The following HPS5 variants were observed in gnomAD, a reference collection of about 807,000 sequenced individuals.
The protein encoded by HPS5 is HPS5 biogenesis of lysosomal organelles complex 2 subunit 2, also known as BLOC-2 complex member HPS5.
A neutral mutation model predicts 128.0 loss-of-function variants in HPS5; 83 were observed. The ratio of observed to expected loss-of-function variants is 0.65; its 90% CI spans 0.54 to 0.78. HPS5 has a LOEUF of 0.78. Ranked by LOEUF, HPS5 falls within the 30% of genes least tolerant of loss-of-function variation. The pLI is 0.00. For missense variants in HPS5, 1,281 were observed against 1,326.2 expected, an observed-to-expected ratio of 0.97 and a Z score of 0.53; for synonymous variants, 475 against 470.2, an observed-to-expected ratio of 1.01 and a Z score of -0.13.
Position 18,297,000 on chromosome 11 carries a change from ATT to A in HPS5, c.1324-18_1324-17del. On this transcript the variant is annotated splice_polypyrimidine_tract_variant and intron_variant, in intron 11 of 22. Coordinates refer to ENST00000349215, the MANE Select transcript of HPS5 (RefSeq NM_181507.2). ...TGAAACTTTCCTAAAAATTAAAAGA[ATT>A]CAAAAAAAAAAAAAGGTAAAAATTT... is the stretch of plus-strand genomic sequence containing the variant. The A allele has an allele frequency of 1.3e-6, 2 of 1,494,356 alleles. No individual in the cohort carries two copies. The highest frequency in any genetic ancestry group is 1.8e-6 in the Non-Finnish European group (2 of 1,083,178). The allele number at this position is 1,494,356 out of a possible 1,614,324, so 92.6% of individuals were successfully genotyped here. A position where few individuals can be genotyped will look rare whatever the true frequency, so the allele number is the denominator to read the frequency against.
chr11:18,316,112 T>C (rs1863592714), intron 2 of HPS5, among the ~76,000 whole-genome samples: 1 of 151,988 alleles, frequency 6.6e-6, no homozygotes, highest in African/African-American at 2.4e-5. Context: ...CTGGGCAACA[T>C]AGCAAGACCC....
intron 18 of HPS5, 117 bp downstream of exon 18, chr11:18,287,418 T>C (rs1035670733): frequency 1.4e-5 from 16 of 1,121,510 alleles, no homozygotes; most frequent in Non-Finnish European, 1.8e-5. Context: ...TCCTCTTCCA[T>C]AGTATGTGCC....
intron 2 of HPS5, among the ~76,000 whole-genome samples, chr11:18,312,934 AT>A (rs1863176645): frequency 1.3e-5 from 2 of 152,196 alleles, no homozygotes; most frequent in South Asian, 4.1e-4. Flanking sequence ...TCCTATTAAT[AT>A]GTTACACCAT....
In HPS5 at chr11:18,311,514, T is replaced by TA. The variant is rs2133859854; in HGVS notation, c.220-64_220-63insT. 1.9e-6 allele frequency: 1 copy of TA among 534,562 alleles called. No homozygotes were observed. The highest frequency in any genetic ancestry group is 2.7e-6 in the Non-Finnish European group (1 of 365,754). 33.1% of individuals were successfully genotyped at this position (534,562 alleles called of 1,614,324 possible). On this transcript the variant is annotated intron_variant, in intron 3 of 22. Transcript: ENST00000349215. ...GTTTTACATTATTATTATTATTATTTTTTTTTTTTTTTTTGAGACTGAGTC... is the reference window on the plus strand; with the variant it reads ...GTTTTACATTATTATTATTATTATTTATTTTTTTTTTTTTTGAGACTGAGTC...
chr11:18,287,468 G>T (rs979451603), intron 18 of HPS5, 67 bp downstream of exon 18: 4 of 1,541,532 alleles, frequency 2.6e-6, no homozygotes, highest in African/African-American at 1.4e-5. Flanking sequence ...TGTGACACCT[G>T]CTTATAAAAG....
chr11:18,312,810 CA>C (rs1343417694), intron 2 of HPS5, among the ~76,000 whole-genome samples: 1 of 152,204 alleles, frequency 6.6e-6, no homozygotes, highest in Non-Finnish European at 1.5e-5. Flanking sequence ...TAAAAGCTAA[CA>C]TATGTGCAAT....
chr11:18,290,655 C>T (rs541938751), intron 16 of HPS5, among the ~76,000 whole-genome samples: 113 of 152,100 alleles, frequency 7.4e-4, no homozygotes, highest in African/African-American at 2.6e-3. Context: ...GGCATGGTGG[C>T]TCACACCTAT....
At position 18,286,547 on chromosome 11, in the gene HPS5, A is replaced by C. The variant is rs60183714; in HGVS notation, c.2837+44T>G. 3.5e-3 allele frequency: 5,677 copies of C among 1,601,844 alleles called. 190 individuals carry two copies. The African/African-American group carries it at 0.068, about 19-fold the overall frequency. On this transcript the variant is annotated intron_variant, in intron 19 of 22. Transcript: ENST00000349215. ...ACAGAGTGAGATCCTGTCTCAAAAA[A>C]AAAAAGTAAAGAAAAAAACAAAGAA...
In HPS5 at chr11:18,285,386, T is replaced by C; in HGVS notation, c.2911A>G (p.Ile971Val). 1.9e-6 allele frequency: 3 copies of C among 1,613,540 alleles called. No individual in the cohort carries two copies. The highest frequency in any genetic ancestry group is 2.2e-5 in the South Asian group (2 of 91,070). Residue 971 changes from isoleucine (I) to valine (V), a missense_variant, in exon 20 of 23, where the codon ATA becomes GTA. Ile to Val is a conservative substitution (Grantham distance 29). Transcript: ENST00000349215. ...ATGTCTGTCATTTTCTCTTTGGTTA[T>C]AAAATCTGCAGGAAGTTTAATTAGA... Reference protein sequence around the residue: ...LHLIKLPADFITKEKMTDICR... With the variant: ...LHLIKLPADFVTKEKMTDICR...
chr11:18,318,968 C>T (rs1223744037), intron 1 of HPS5, among the ~76,000 whole-genome samples: 1 of 151,548 alleles, frequency 6.6e-6, no homozygotes, highest in Non-Finnish European at 1.5e-5. Context: ...TTATTGCACA[C>T]ACATAACACA....
chr11:18,298,807 A>T lies in HPS5; in HGVS notation c.1149T>A (p.Ser383=). 1 of 1,614,202 alleles carries T rather than the reference A, an allele frequency of 6.2e-7. No homozygotes were observed. The highest frequency in any genetic ancestry group is 1.1e-5 in the South Asian group (1 of 91,088). The part of the protein sequence containing the change: ...AARTCCLFQN[S]VIASRARKTL... Reference sequence around the variant, plus strand: ...TCTGACTCACTCTGCTGGCAATGACAGAATTTTGGAAAAGACAGCATGTAC... The same window carrying T: ...TCTGACTCACTCTGCTGGCAATGACTGAATTTTGGAAAAGACAGCATGTAC... The change falls in exon 10 of 23, where the codon TCT becomes TCA. Residue 383 remains serine, a synonymous_variant. Transcript: ENST00000349215.
chr11:18,294,186 G>A (rs1381247045), intron 14 of HPS5, among the ~76,000 whole-genome samples: 1 of 152,146 alleles, frequency 6.6e-6, no homozygotes, highest in Non-Finnish European at 1.5e-5. Flanking sequence ...GCATATTATG[G>A]GAAGGTACCT....
chr11:18,280,684 T>C (rs1314111048), intron 22 of HPS5: 5 of 639,670 alleles, frequency 7.8e-6, no homozygotes, highest in Non-Finnish European at 1.4e-5. Flanking sequence ...GGCATATATA[T>C]ACAACGGAAT....
In HPS5 at chr11:18,285,525, C is replaced by T. The variant is rs1297863877; in HGVS notation, c.2838-66G>A. The stretch of plus-strand genomic sequence containing the variant: ...AACTCTAGAAAATGCTTATTTATCA[C>T]CTAATAGGTAAGAATAGAGTTTAAC... On this transcript the variant is annotated intron_variant, in intron 19 of 22. Transcript: ENST00000349215. 2.8e-6 allele frequency: 3 copies of T among 1,059,380 alleles called. No individual in the cohort carries two copies. In the Admixed American group the frequency reaches 5.3e-5, roughly 19 times the overall value. 65.6% of individuals were successfully genotyped at this position (1,059,380 alleles called of 1,614,324 possible). A position where few individuals can be genotyped will look rare whatever the true frequency, so the allele number is the denominator to read the frequency against.
intron 16 of HPS5, 119 bp downstream of exon 16, chr11:18,291,322 AG>A: frequency 4.8e-6 from 3 of 630,726 alleles, no homozygotes; most frequent in Admixed American, 2.8e-5. Flanking sequence ...AACAGAATAA[AG>A]GGTTGACCAG....
chr11:18,300,555 G>T (rs1355827366), intron 9 of HPS5, among the ~76,000 whole-genome samples: 3 of 151,996 alleles, frequency 2.0e-5, no homozygotes, highest in African/African-American at 4.8e-5. Flanking sequence ...AAATTAGCCA[G>T]GTGTGGTGGT....
intron 16 of HPS5, among the ~76,000 whole-genome samples, chr11:18,288,678 C>T (rs1860028467): frequency 6.6e-6 from 1 of 151,836 alleles, no homozygotes; most frequent in Non-Finnish European, 1.5e-5. Flanking sequence ...AACAGGGTCT[C>T]ATTCTGTTGC....
At chr11:18,287,737 A>G (rs1378244743) in intron 17 of HPS5, 47 bp from the exon 18 acceptor site, 1 of 1,608,360 alleles carries the variant, frequency 6.2e-7, no homozygotes, top group Admixed American at 1.7e-5. Flanking sequence ...CAGTGAAATT[A>G]TATAACTTGG....
At chr11:18,317,697 A>G in intron 2 of HPS5, 54 bp downstream of exon 2, 1 of 1,560,244 alleles carries the variant, frequency 6.4e-7, no homozygotes. Context: ...GGGTAGGGGC[A>G]CAGTAACAGA....
Sources: allele counts gnomAD v4.1 joint callset (sites outside exome capture counted in the v4.1 genomes callset), GRCh38; gene constraint gnomAD v4.1.1; transcripts MANE v1.5; gene names NCBI Gene and HGNC (gene_info 2026-07-23, HGNC 2026-07-21).